PCDH7: variants seen among roughly 807,000 people sequenced by gnomAD.
The protein encoded by PCDH7 is protocadherin-7.
Under a neutral mutation model 58.9 loss-of-function variants are expected in PCDH7, and 17 were observed. The observed-to-expected ratio is 0.29, with a 90% confidence interval of 0.20 to 0.43. The LOEUF is 0.43. Ranked by LOEUF, PCDH7 falls within the 20% of genes least tolerant of loss-of-function variation. The pLI is 1.00. For synonymous variants in PCDH7, 664 were observed against 616.4 expected (o/e 1.08, Z -1.14); for missense variants, 1,274 against 1,441.0 (o/e 0.88, Z 1.88).
intron 3 of PCDH7, among the ~76,000 whole-genome samples, chr4:31,116,544 T>C (rs775843353): frequency 2.0e-5 from 3 of 152,184 alleles, no homozygotes; most frequent in Non-Finnish European, 4.4e-5. Flanking sequence ...GCGCAAGTAG[T>C]TGATGGGGCT....
At chr4:31,099,433 G>T (rs958963585) in intron 3 of PCDH7, among the ~76,000 whole-genome samples, 1 of 152,154 alleles carries the variant, frequency 6.6e-6, no homozygotes, top group African/African-American at 2.4e-5. Context: ...ATCAGAAGTG[G>T]TAAATTTAGA....
At chr4:31,025,894 T>C (rs956863557) in intron 3 of PCDH7, among the ~76,000 whole-genome samples, 2 of 152,240 alleles carry the variant, frequency 1.3e-5, no homozygotes, top group African/African-American at 4.8e-5. Context: ...TGGAAAATGC[T>C]GGAAGTTTCC....
At chr4:30,815,194 A>G (rs1727517978) in intron 1 of PCDH7, among the ~76,000 whole-genome samples, 1 of 151,912 alleles carries the variant, frequency 6.6e-6, no homozygotes, top group Non-Finnish European at 1.5e-5. Flanking sequence ...TTATATATAC[A>G]TGCACATCTA....
In PCDH7 at chr4:30,721,549, C is replaced by A. The variant is rs568046000; in HGVS notation, c.127C>A (p.Pro43Thr). The A allele has an allele frequency of 1.2e-6, 2 of 1,603,278 alleles. No individual in the cohort carries two copies. The highest frequency in any genetic ancestry group is 4.5e-5 in the East Asian group (2 of 44,824). ...CCGGTACCGGCTGGCCGAGGAGGGCCCCGCCGACGTCCGCATCGGCAACGT... is the reference window on the plus strand; with the variant it reads ...CCGGTACCGGCTGGCCGAGGAGGGCACCGCCGACGTCCGCATCGGCAACGT... The change falls in exon 1 of 2, where the codon CCC becomes ACC. Residue 43 changes from proline (P) to threonine (T), a missense_variant. Pro to Thr is a conservative substitution (Grantham distance 38). Coordinates refer to ENST00000361762, the Ensembl canonical transcript of PCDH7. This position sits in a 1 kb window ranked among gnomAD's most constrained non-coding sequence, Gnocchi z 6.7.
At chr4:31,013,759 A>G (rs1753395307) in intron 3 of PCDH7, among the ~76,000 whole-genome samples, 5 of 152,012 alleles carry the variant, frequency 3.3e-5, no homozygotes, top group Admixed American at 2.6e-4. Context: ...CAAGGGAGGG[A>G]CCCATCCTGG....
In PCDH7 at chr4:31,041,609, C is replaced by G. The variant is rs1220843867; in HGVS notation, c.*7+91394C>G. Among the ~76,000 whole-genome samples the G allele has an allele frequency of 2.6e-5, 4 of 151,982 alleles. No homozygotes were observed. In the South Asian group the frequency reaches 8.3e-4, roughly 32 times the overall value. On this transcript the variant is annotated intron_variant, in intron 3 of 3. Transcript: ENST00000509759. Reference sequence around the variant, plus strand: ...CCCCTTGCATTGAGCAGTCCTACAACGAAAAGAATTGTCCCCAACTAGACC... The same window carrying G: ...CCCCTTGCATTGAGCAGTCCTACAAGGAAAAGAATTGTCCCCAACTAGACC...
chr4:30,899,057 G>A (rs185044380), intron 1 of PCDH7, among the ~76,000 whole-genome samples: 4 of 152,130 alleles, frequency 2.6e-5, no homozygotes, highest in African/African-American at 4.8e-5. Flanking sequence ...ATGAAGTAAT[G>A]GACAATGTTG....
chr4:30,738,970 T>C (rs1049355968), intron 1 of PCDH7, among the ~76,000 whole-genome samples: 1 of 151,928 alleles, frequency 6.6e-6, no homozygotes, highest in Non-Finnish European at 1.5e-5. Flanking sequence ...ACGATTATTA[T>C]GTACGCATGC....
rs542368941 is a variant in PCDH7, at chr4:30,795,993, A to G, written c.70+71397A>G. 2.0e-5 allele frequency among the ~76,000 whole-genome samples: 3 copies of G among 152,324 alleles called. No individual in the cohort carries two copies. The South Asian group carries it at 6.2e-4, about 32-fold the overall frequency. The stretch of plus-strand genomic sequence containing the variant: ...ATCTTCTAGTAGACTTCAGCAGAGT[A>G]ATTAGGTAAGTTCATATTCTCATCT... On this transcript the variant is annotated intron_variant, in intron 1 of 3. Coordinates refer to the PCDH7 transcript ENST00000509759.
chr4:31,128,765 T>C (rs2109333701), intron 3 of PCDH7, among the ~76,000 whole-genome samples: 1 of 152,302 alleles, frequency 6.6e-6, no homozygotes, highest in South Asian at 2.1e-4. Context: ...TAGGCTGGGT[T>C]TGAAGACTGC....
intron 3 of PCDH7, among the ~76,000 whole-genome samples, chr4:31,063,080 A>G (rs975492480): frequency 6.6e-6 from 1 of 151,862 alleles, no homozygotes; most frequent in Admixed American, 6.6e-5. Context: ...GTGTAAAATG[A>G]TGTTTTAACA....
intron 1 of PCDH7, among the ~76,000 whole-genome samples, chr4:30,762,956 G>C (rs1192197980): frequency 6.6e-6 from 1 of 152,104 alleles, no homozygotes; most frequent in Non-Finnish European, 1.5e-5. Context: ...AATATATTTA[G>C]CCTAGGCCAG....
intron 1 of PCDH7, among the ~76,000 whole-genome samples, chr4:30,762,949 A>G (rs979403022): frequency 6.6e-6 from 1 of 152,224 alleles, no homozygotes; most frequent in East Asian, 1.9e-4. Context: ...AAATATAAAT[A>G]TATTTAGCCT....
chr4:30,974,731 C>T (rs1423835996), intron 3 of PCDH7, among the ~76,000 whole-genome samples: 1 of 152,122 alleles, frequency 6.6e-6, no homozygotes, highest in Non-Finnish European at 1.5e-5. Context: ...CCCAATTCAG[C>T]AGTTTTAAAT....
intron 1 of PCDH7, among the ~76,000 whole-genome samples, chr4:30,766,540 A>G (rs1720774243): frequency 6.6e-6 from 1 of 152,160 alleles, no homozygotes; most frequent in Admixed American, 6.6e-5. Context: ...TAGGGGGTAG[A>G]AGGAAACACA....
chr4:30,774,846 A>C (rs1258535377), intron 1 of PCDH7, among the ~76,000 whole-genome samples: 1 of 152,196 alleles, frequency 6.6e-6, no homozygotes. Flanking sequence ...TTCTTAATCT[A>C]TAGATTGGAG....
chr4:31,092,597 CG>C (rs2109286817), intron 3 of PCDH7, among the ~76,000 whole-genome samples: 1 of 152,080 alleles, frequency 6.6e-6, no homozygotes, highest in South Asian at 2.1e-4. Flanking sequence ...CCCAGAATCA[CG>C]ATTTTGCACA....
At chr4:30,991,491 G>A (rs1038800106) in intron 3 of PCDH7, among the ~76,000 whole-genome samples, 7 of 152,114 alleles carry the variant, frequency 4.6e-5, no homozygotes, top group South Asian at 2.1e-4. Flanking sequence ...CAGCACTCTC[G>A]AGACTGAGGA....
chr4:30,817,555 C>T (rs539758871), intron 1 of PCDH7, among the ~76,000 whole-genome samples: 1 of 152,184 alleles, frequency 6.6e-6, no homozygotes, highest in South Asian at 2.1e-4. Context: ...GTAAATGGAA[C>T]ATTAGAGACT....
Sources: allele counts gnomAD v4.1 joint callset (sites outside exome capture counted in the v4.1 genomes callset), GRCh38; gene constraint gnomAD v4.1.1; non-coding constraint Gnocchi (gnomAD v3.1); transcripts MANE v1.5; gene names NCBI Gene and HGNC (gene_info 2026-07-23, HGNC 2026-07-21).